Variants in NAV2 observed in about 807,000 individuals in gnomAD.
NAV2 encodes the protein helicase, APC down-regulated 1.
In NAV2, 54 loss-of-function variants were observed where a neutral mutation model predicts 223.2. The observed-to-expected ratio is 0.24, with a 90% CI of 0.19 to 0.30. The LOEUF is 0.30. Ranked by LOEUF, NAV2 falls within the 10% of genes least tolerant of loss-of-function variation. The probability of loss-of-function intolerance (pLI) is 1.00; values close to 1 mark genes in which losing one functional copy is unlikely to be tolerated. For missense variants in NAV2, 2,806 were observed against 3,147.5 expected, an observed-to-expected ratio of 0.89 and a Z score of 2.60; for synonymous variants, 1,279 against 1,239.3, an observed-to-expected ratio of 1.03 and a Z score of -0.67.
intron 1 of NAV2, among the ~76,000 whole-genome samples, chr11:19,466,798 G>A (rs1449359624): frequency 6.6e-6 from 1 of 152,208 alleles, no homozygotes; most frequent in Non-Finnish European, 1.5e-5. Flanking sequence ...AGTTATGCAA[G>A]TGTTGGCACT....
At chr11:20,036,806 C>T (rs1007357237) in intron 12 of NAV2, among the ~76,000 whole-genome samples, 26 of 152,238 alleles carry the variant, frequency 1.7e-4, no homozygotes, top group Non-Finnish European at 3.8e-4. Context: ...GCCACTCCTG[C>T]TCCAGTGTGC....
chr11:19,850,849 A>G (rs1394288914), intron 3 of NAV2, among the ~76,000 whole-genome samples: 1 of 152,190 alleles, frequency 6.6e-6, no homozygotes, highest in Non-Finnish European at 1.5e-5. Flanking sequence ...TTTTATTCTC[A>G]TAACCATCCT....
At position 19,408,772 on chromosome 11, in the gene NAV2, C is replaced by T. The variant is rs750836397; in HGVS notation, c.75+57745C>T. Among the ~76,000 whole-genome samples, 25 of 152,194 alleles carry T rather than the reference C, an allele frequency of 1.6e-4. No individual in the cohort carries two copies. The Middle Eastern group carries it at 0.01, about 62-fold the overall frequency. On this transcript the variant is annotated intron_variant, in intron 1 of 37. Coordinates refer to the NAV2 transcript ENST00000360655. ...GCCAGTGAACGGCAGAGCCAGAATT[C>T]GAGCCTGGGCCTGGCTGATGCAAAC...
chr11:19,512,104 T>C (rs574911030), intron 1 of NAV2, among the ~76,000 whole-genome samples: 2 of 152,224 alleles, frequency 1.3e-5, no homozygotes, highest in African/African-American at 4.8e-5. Flanking sequence ...AGATAAACTC[T>C]CTGTTTCCCT....
chr11:19,920,876 A>G (rs1408383289), intron 6 of NAV2, among the ~76,000 whole-genome samples: 2 of 152,218 alleles, frequency 1.3e-5, no homozygotes, highest in Middle Eastern at 3.2e-3. Context: ...CTTACAAAAA[A>G]TTGTTAGGAT....
In NAV2 at chr11:20,105,513, G is replaced by A. The variant is rs1340679871; in HGVS notation, c.6645-18G>A. 8 of 1,601,652 alleles carry A rather than the reference G, an allele frequency of 5.0e-6. No homozygotes were observed. In the South Asian group the frequency reaches 7.8e-5, roughly 16 times the overall value. Reference sequence around the variant, plus strand: ...GATCACCATCATCAGCTTGAAAAGTGTTTCTGACTTCCTCCAGATGGGTGC... The same window carrying A: ...GATCACCATCATCAGCTTGAAAAGTATTTCTGACTTCCTCCAGATGGGTGC... On this transcript the variant is annotated intron_variant, in intron 34 of 37. Transcript: ENST00000349880.
intron 24 of NAV2, among the ~76,000 whole-genome samples, chr11:20,079,632 T>TA (rs1231577640): frequency 6.6e-6 from 1 of 152,082 alleles, no homozygotes; most frequent in East Asian, 1.9e-4. Context: ...GATAGAGGGA[T>TA]AGCACATGGA....
chr11:19,793,776 G>A (rs993483094), intron 1 of NAV2, among the ~76,000 whole-genome samples: 6 of 152,264 alleles, frequency 3.9e-5, no homozygotes, highest in South Asian at 2.1e-4. Context: ...TCATCTGGCC[G>A]CTGCCTTCCT....
At chr11:19,366,471 G>A (rs920068273) in intron 1 of NAV2, among the ~76,000 whole-genome samples, 2 of 152,138 alleles carry the variant, frequency 1.3e-5, no homozygotes, top group Admixed American at 1.3e-4. Flanking sequence ...GCAGATGAAG[G>A]GTACCAGGAG....
chr11:19,474,718 A>G (rs1484113291), intron 1 of NAV2, among the ~76,000 whole-genome samples: 4 of 152,230 alleles, frequency 2.6e-5, no homozygotes, highest in African/African-American at 9.7e-5. Flanking sequence ...ATAGAAATCC[A>G]TTATTGCTCA....
At chr11:19,964,808 A>ATTT (rs2048625131) in intron 10 of NAV2, among the ~76,000 whole-genome samples, 6 of 47,074 alleles carry the variant, frequency 1.3e-4, no homozygotes, top group Non-Finnish European at 1.4e-4. Flanking sequence ...GCCTCATTCT[A>ATTT]CTTTTTTTTT....
chr11:20,022,157 G>A (rs765647149), intron 11 of NAV2, among the ~76,000 whole-genome samples: 46 of 152,292 alleles, frequency 3.0e-4, no homozygotes, highest in Non-Finnish European at 5.4e-4. Context: ...TTAATCCTTC[G>A]TTTTCAAATA....
At chr11:19,490,876 G>C (rs895989546) in intron 1 of NAV2, among the ~76,000 whole-genome samples, 2 of 152,118 alleles carry the variant, frequency 1.3e-5, no homozygotes, top group Non-Finnish European at 2.9e-5. Flanking sequence ...AAATAATAAG[G>C]CTTCAAAGTT....
chr11:19,886,393 A>T (rs750517062), intron 5 of NAV2, among the ~76,000 whole-genome samples: 13 of 152,182 alleles, frequency 8.5e-5, no homozygotes, highest in Non-Finnish European at 1.8e-4. Flanking sequence ...GCAAGTCCAC[A>T]CGTTACCCAG....
rs60029840 is a variant in NAV2, at chr11:19,821,261, CAAAAA to C, written c.268-11206_268-11202del. ...TGGGCGACAGAGCGAGACTCTGTCTCAAAAAAAAAAAAAAAAAAAAAGAGGAAGCT... is the reference window on the plus strand; with the variant it reads ...TGGGCGACAGAGCGAGACTCTGTCTCAAAAAAAAAAAAAAAAGAGGAAGCT... On this transcript the variant is annotated intron_variant, in intron 1 of 37. Transcript: ENST00000349880. Among the ~76,000 whole-genome samples, 13 of 99,536 alleles carry C rather than the reference CAAAAA, an allele frequency of 1.3e-4. No individual in the cohort carries two copies. The South Asian group carries it at 3.9e-3, about 30-fold the overall frequency. 65.3% of individuals were successfully genotyped at this position (99,536 alleles called of 152,430 possible). A position where few individuals can be genotyped will look rare whatever the true frequency, so the allele number is the denominator to read the frequency against.
intron 1 of NAV2, among the ~76,000 whole-genome samples, chr11:19,817,432 G>C (rs773712754): frequency 2.0e-5 from 3 of 152,164 alleles, no homozygotes; most frequent in Non-Finnish European, 2.9e-5. Context: ...ATGTGGGTCA[G>C]GTGAGTTTTG....
chr11:19,554,653 T>G (rs1309584865), intron 1 of NAV2, among the ~76,000 whole-genome samples: 1 of 152,098 alleles, frequency 6.6e-6, no homozygotes, highest in Admixed American at 6.5e-5. Flanking sequence ...AAGGATGAAT[T>G]AGATGGTTGT....
At chr11:19,522,628 T>C (rs544395102) in intron 1 of NAV2, among the ~76,000 whole-genome samples, 136 of 152,308 alleles carry the variant, frequency 8.9e-4, no homozygotes, top group Non-Finnish European at 1.7e-3. Flanking sequence ...ATGGTCACTG[T>C]CACCCCCACT....
At chr11:19,887,876 A>G (rs1183459746) in intron 5 of NAV2, among the ~76,000 whole-genome samples, 2 of 151,902 alleles carry the variant, frequency 1.3e-5, no homozygotes, top group African/African-American at 4.8e-5. Context: ...GCATGTGCAC[A>G]CAAGCTGCCA....
Sources: gnomAD v4.1 joint callset for allele counts (sites outside exome capture counted in the v4.1 genomes callset) on GRCh38, gnomAD v4.1.1 for gene constraint, MANE v1.5 for transcripts, NCBI Gene and HGNC (gene_info 2026-07-23, HGNC 2026-07-21) for gene names.